LRCH1: variants seen among roughly 807,000 people sequenced by gnomAD.
LRCH1 encodes leucine rich repeats and calponin homology domain containing 1.
In LRCH1, 23 loss-of-function variants were observed where a neutral mutation model predicts 94.9. The ratio of observed to expected loss-of-function variants is 0.24; its 90% CI spans 0.17 to 0.34. The LOEUF (loss-of-function observed/expected upper bound fraction) is 0.34. LRCH1 is among the 10% of genes least tolerant of loss of function. LRCH1 has a pLI of 1.00. For missense variants in LRCH1, 790 were observed against 945.9 expected (o/e 0.84, Z 2.16); for synonymous variants, 364 against 354.9 (o/e 1.03, Z -0.29).
intron 1 of LRCH1, among the ~76,000 whole-genome samples, chr13:46,641,787 G>A (rs779598161): frequency 6.6e-6 from 1 of 152,090 alleles, no homozygotes; most frequent in Non-Finnish European, 1.5e-5. Flanking sequence ...GCTTCCAATC[G>A]TGCTGACTGC....
downstream of LRCH1, among the ~76,000 whole-genome samples, chr13:46,749,391 G>A (rs1009483348): frequency 3.3e-5 from 5 of 152,128 alleles, no homozygotes; most frequent in Middle Eastern, 3.2e-3. Context: ...GGGTGGGGAG[G>A]TGGGGATAGG....
At chr13:46,579,563 G>A (rs2050342632) in intron 1 of LRCH1, among the ~76,000 whole-genome samples, 1 of 151,784 alleles carries the variant, frequency 6.6e-6, no homozygotes, top group Non-Finnish European at 1.5e-5. Context: ...GAGGAATAGG[G>A]TTACCAGCTC....
intron 1 of LRCH1, among the ~76,000 whole-genome samples, chr13:46,556,757 T>C (rs2050070576): frequency 6.6e-6 from 1 of 152,106 alleles, no homozygotes; most frequent in African/African-American, 2.4e-5. Flanking sequence ...GACCATATTC[T>C]CATCAAGCAG....
At chr13:46,574,977 A>T (rs900036274) in intron 1 of LRCH1, among the ~76,000 whole-genome samples, 17 of 152,116 alleles carry the variant, frequency 1.1e-4, no homozygotes, top group Admixed American at 1.1e-3. Context: ...GGTTTACATG[A>T]TGTATCTATA....
intron 1 of LRCH1, among the ~76,000 whole-genome samples, chr13:46,579,609 T>C (rs2050343691): frequency 6.6e-6 from 1 of 152,182 alleles, no homozygotes; most frequent in African/African-American, 2.4e-5. Flanking sequence ...TCTGATAATA[T>C]GAATAACACC....
chr13:46,585,552 C>CAAAAA (rs35651253), intron 1 of LRCH1, among the ~76,000 whole-genome samples: 1 of 82,102 alleles, frequency 1.2e-5, no homozygotes, highest in African/African-American at 3.9e-5. Context: ...GACTGCATCT[C>CAAAAA]AAAAAAAAAA....
intron 1 of LRCH1, among the ~76,000 whole-genome samples, chr13:46,594,325 A>G (rs1171995669): frequency 6.6e-6 from 1 of 152,218 alleles, no homozygotes; most frequent in Non-Finnish European, 1.5e-5. Flanking sequence ...ATAGCAAGTT[A>G]TGTAAAAAAT....
chr13:46,567,362 A>AT (rs200712587), intron 1 of LRCH1, among the ~76,000 whole-genome samples: 192 of 152,124 alleles, frequency 1.3e-3, no homozygotes, highest in Non-Finnish European at 2.0e-3. Flanking sequence ...TAAAAAACAG[A>AT]TTTTTTTTGA....
In LRCH1 at chr13:46,681,936, TTGTGTGTGTGTG is replaced by T. The variant is rs71077914; in HGVS notation, c.685+109_685+120del. Reference sequence around the variant, plus strand: ...TTACTTTTGTGAAGAGGGTCGATCTTTGTGTGTGTGTGTGTGTGTGTGTGTGTGTGCCTACTA... The same window carrying T: ...TTACTTTTGTGAAGAGGGTCGATCTTTGTGTGTGTGTGTGTGTGCCTACTA... On this transcript the variant is annotated intron_variant, in intron 4 of 19. Transcript: ENST00000389797. 12 of 524,442 alleles carry T rather than the reference TTGTGTGTGTGTG, an allele frequency of 2.3e-5. No homozygotes were observed. In the Middle Eastern group the frequency reaches 1.5e-3, roughly 66 times the overall value. 32.5% of individuals were successfully genotyped at this position (524,442 alleles called of 1,614,324 possible). A position where few individuals can be genotyped will look rare whatever the true frequency, so the allele number is the denominator to read the frequency against.
At position 46,636,401 on chromosome 13, in the gene LRCH1, G is replaced by A. The variant is rs181253420; in HGVS notation, c.308-13800G>A. Reference sequence around the variant, plus strand: ...TCAACCATTCTTAAGTGTGCAATTCGGTAATGTCAGGTACATTTACATTAT... The same window carrying A: ...TCAACCATTCTTAAGTGTGCAATTCAGTAATGTCAGGTACATTTACATTAT... On this transcript the variant is annotated intron_variant, in intron 1 of 19. Coordinates refer to ENST00000389797, the MANE Select transcript of LRCH1 (RefSeq NM_001164211.2). Among the ~76,000 whole-genome samples the A allele has an allele frequency of 4.5e-4, 68 of 152,070 alleles. No individual in the cohort carries two copies. In the East Asian group the frequency reaches 6.8e-3, roughly 15 times the overall value.
At chr13:46,669,538 G>A (rs2138118272) in intron 3 of LRCH1, among the ~76,000 whole-genome samples, 1 of 152,288 alleles carries the variant, frequency 6.6e-6, no homozygotes, top group Non-Finnish European at 1.5e-5. Flanking sequence ...ATAAAATTAA[G>A]TCAGAAGACA....
chr13:46,645,430 T>C (rs1820342348), intron 1 of LRCH1, among the ~76,000 whole-genome samples: 2 of 152,244 alleles, frequency 1.3e-5, no homozygotes, highest in Non-Finnish European at 2.9e-5. Flanking sequence ...TTATATTTTA[T>C]AACTTCTTGT....
intron 2 of LRCH1, among the ~76,000 whole-genome samples, chr13:46,662,990 G>A (rs554765929): frequency 3.9e-5 from 6 of 152,250 alleles, no homozygotes; most frequent in African/African-American, 1.4e-4. Flanking sequence ...AAATTGATTG[G>A]TGTAGCTTTC....
At chr13:46,688,694 C>G (rs184904678) in intron 6 of LRCH1, among the ~76,000 whole-genome samples, 3 of 152,290 alleles carry the variant, frequency 2.0e-5, no homozygotes, top group Admixed American at 1.3e-4. Context: ...AATATGTACA[C>G]TGTTTTATGT....
intron 18 of LRCH1, among the ~76,000 whole-genome samples, chr13:46,729,205 A>G (rs997537212): frequency 2.0e-5 from 3 of 152,172 alleles, no homozygotes; most frequent in Non-Finnish European, 2.9e-5. Context: ...TATAAATGAC[A>G]GAAACATAAT....
chr13:46,738,769 A>G (rs183925460), intron 19 of LRCH1, among the ~76,000 whole-genome samples: 34 of 152,346 alleles, frequency 2.2e-4, no homozygotes, highest in Non-Finnish European at 2.1e-4. Context: ...TTTTACTAAC[A>G]TCAATTTTAA....
At chr13:46,657,278 T>G (rs899270550) in intron 2 of LRCH1, among the ~76,000 whole-genome samples, 5 of 151,872 alleles carry the variant, frequency 3.3e-5, no homozygotes, top group Admixed American at 1.3e-4. Context: ...ATGAGACAGA[T>G]AAAAAGCACT....
intron 1 of LRCH1, among the ~76,000 whole-genome samples, chr13:46,555,954 G>C (rs1284400153): frequency 6.6e-6 from 1 of 152,130 alleles, no homozygotes; most frequent in South Asian, 2.1e-4. Flanking sequence ...AGTTACCTCC[G>C]GTGTACACAG....
At chr13:46,612,557 C>T (rs943365918) in intron 1 of LRCH1, among the ~76,000 whole-genome samples, 1 of 152,148 alleles carries the variant, frequency 6.6e-6, no homozygotes, top group Non-Finnish European at 1.5e-5. Flanking sequence ...GCTCATATGT[C>T]TCAATTTTGA....
Sources: allele counts gnomAD v4.1 joint callset (sites outside exome capture counted in the v4.1 genomes callset), GRCh38; gene constraint gnomAD v4.1.1; transcripts MANE v1.5; gene names NCBI Gene and HGNC (gene_info 2026-07-23, HGNC 2026-07-21).